The following SLC71A1 variants were observed in gnomAD, a reference collection of about 807,000 sequenced individuals.
The protein encoded by SLC71A1 is hippocampus abundant gene transcript 1.
the SLC71A1 span, among the ~76,000 whole-genome samples, chr1:100,054,180 T>TA: frequency 6.6e-6 from 1 of 151,842 alleles, no homozygotes; most frequent in African/African-American, 2.4e-5. Context: ...TAGCTGGAAT[T>TA]ACAGGTGCAT....
chr1:100,077,484 T>A, the SLC71A1 span, among the ~76,000 whole-genome samples: 1 of 152,202 alleles, frequency 6.6e-6, no homozygotes, highest in Non-Finnish European at 1.5e-5. Flanking sequence ...CTTTTATAGC[T>A]AAATGACAGG....
the SLC71A1 span, among the ~76,000 whole-genome samples, chr1:100,081,573 A>G: frequency 1.3e-5 from 2 of 152,106 alleles, no homozygotes; most frequent in African/African-American, 2.4e-5. Context: ...ACGAGGTTTC[A>G]CCATGTTGGC....
the SLC71A1 span, among the ~76,000 whole-genome samples, chr1:100,041,204 C>T: frequency 6.6e-6 from 1 of 152,086 alleles, no homozygotes; most frequent in Non-Finnish European, 1.5e-5. Flanking sequence ...TCTAAATGAG[C>T]CAGATTAATC....
chr1:100,068,779 T>G, the SLC71A1 span, among the ~76,000 whole-genome samples: 1 of 152,096 alleles, frequency 6.6e-6, no homozygotes, highest in Non-Finnish European at 1.5e-5. Flanking sequence ...GGTCAGGAGA[T>G]CAAGACCAGC....
chr1:100,060,022 A>T, the SLC71A1 span: 3 of 1,576,100 alleles, frequency 1.9e-6, no homozygotes, highest in Non-Finnish European at 2.6e-6. Flanking sequence ...GCACATTTAG[A>T]TTATAGCAAC....
chr1:100,038,839 C>T, the SLC71A1 span, among the ~76,000 whole-genome samples: 2 of 152,248 alleles, frequency 1.3e-5, no homozygotes, highest in South Asian at 2.1e-4. Flanking sequence ...CTCTCTGCGT[C>T]GGTGCTCCGG....
At chr1:100,067,434 A>G in the SLC71A1 span, among the ~76,000 whole-genome samples, 1 of 151,986 alleles carries the variant, frequency 6.6e-6, no homozygotes, top group Admixed American at 6.6e-5. Flanking sequence ...CTTTTTTGAT[A>G]CAGACAGGGT....
At chr1:100,068,203 T>G in the SLC71A1 span, 1 of 1,609,294 alleles carries the variant, frequency 6.2e-7, no homozygotes, top group East Asian at 2.2e-5. Context: ...GCGGTAAGTT[T>G]ATACTTTTTC....
At chr1:100,071,291 A>G in the SLC71A1 span, among the ~76,000 whole-genome samples, 1 of 22,318 alleles carries the variant, frequency 4.5e-5, no homozygotes, top group East Asian at 0.015. Context: ...ATCTCTACCA[A>G]AAAAAAAAAA....
chr1:100,039,540 AAG>A, the SLC71A1 span, among the ~76,000 whole-genome samples: 1 of 152,238 alleles, frequency 6.6e-6, no homozygotes, highest in African/African-American at 2.4e-5. Context: ...TATTGAAAAA[AAG>A]AAACAAATTC....
the SLC71A1 span, among the ~76,000 whole-genome samples, chr1:100,065,638 CT>C: frequency 6.9e-6 from 1 of 145,262 alleles, no homozygotes; most frequent in Non-Finnish European, 1.5e-5. Context: ...TTCCCTTTCC[CT>C]TCTTTTTTCT....
At chr1:100,066,283 T>C in the SLC71A1 span, among the ~76,000 whole-genome samples, 2 of 152,234 alleles carry the variant, frequency 1.3e-5, no homozygotes, top group African/African-American at 4.8e-5. Flanking sequence ...TTATTTCAGC[T>C]AGCCCTTCAG....
At chr1:100,049,961 T>G in the SLC71A1 span, 1 of 1,611,226 alleles carries the variant, frequency 6.2e-7, no homozygotes, top group Non-Finnish European at 8.5e-7. Context: ...GTCATCTTTT[T>G]GGAGTTTTTT....
At chr1:100,060,533 C>T in the SLC71A1 span, among the ~76,000 whole-genome samples, 1 of 152,122 alleles carries the variant, frequency 6.6e-6, no homozygotes, top group East Asian at 1.9e-4. Context: ...CATCTCTCAC[C>T]TCACTGAACA....
the SLC71A1 span, among the ~76,000 whole-genome samples, chr1:100,050,174 CT>C: frequency 3.3e-5 from 5 of 151,900 alleles, no homozygotes; most frequent in African/African-American, 1.2e-4. Flanking sequence ...TCTCCCTTAC[CT>C]TTTTTTGGGA....
chr1:100,058,815 A>T, the SLC71A1 span: 3 of 669,154 alleles, frequency 4.5e-6, no homozygotes, highest in Non-Finnish European at 7.8e-6. Context: ...ACATATATAT[A>T]ACTATGCGAA....
chr1:100,068,664 C>T, the SLC71A1 span: 1 of 879,834 alleles, frequency 1.1e-6, no homozygotes, highest in Non-Finnish European at 1.9e-6. Flanking sequence ...CTTGAGAGAA[C>T]TGTAATAGAA....
chr1:100,066,698 A>C, the SLC71A1 span, among the ~76,000 whole-genome samples: 2 of 152,142 alleles, frequency 1.3e-5, no homozygotes, highest in African/African-American at 4.8e-5. Context: ...AGAGTTAAAA[A>C]ATTTAAATAG....
the SLC71A1 span, among the ~76,000 whole-genome samples, chr1:100,043,926 A>C: frequency 6.6e-6 from 1 of 152,234 alleles, no homozygotes; most frequent in South Asian, 2.1e-4. Context: ...GTATATATAC[A>C]CCACATTTTC....
Sources: gnomAD v4.1 joint callset for allele counts (sites outside exome capture counted in the v4.1 genomes callset) on GRCh38, gnomAD v4.1.1 for gene constraint, MANE v1.5 for transcripts, NCBI Gene and HGNC (gene_info 2026-07-23, HGNC 2026-07-21) for gene names.